CYP11B2: variants seen among roughly 807,000 people sequenced by gnomAD.
CYP11B2 encodes cytochrome P450 family 11 subfamily B member 2, also known as cytochrome P450 11B2, mitochondrial.
A neutral mutation model predicts 49.3 loss-of-function variants in CYP11B2; 38 were observed. That is an observed-to-expected ratio of 0.77 (90% confidence interval 0.59 to 1.01). The LOEUF (loss-of-function observed/expected upper bound fraction) is 1.01, where lower values mean the gene tolerates loss of function less well. Among genes scored for constraint, CYP11B2 ranks in the 50% least tolerant of loss-of-function variants. CYP11B2 has a pLI of 0.00. For synonymous variants in CYP11B2, 290 were observed against 269.3 expected (o/e 1.08, Z -0.75); for missense variants, 669 against 655.5 (o/e 1.02, Z -0.23).
chr8:142,912,505 C>A (rs200113902), intron 8 of CYP11B2, 25 bp downstream of exon 8: 4 of 1,587,896 alleles, frequency 2.5e-6, no homozygotes, highest in South Asian at 1.1e-5. Context: ...GCCCAGGTCC[C>A]GCCCCCGCCC....
intron 2 of CYP11B2, among the ~76,000 whole-genome samples, chr8:142,916,015 A>C (rs1817638536): frequency 6.6e-6 from 1 of 152,106 alleles, no homozygotes; most frequent in Non-Finnish European, 1.5e-5. Flanking sequence ...CACAAACACT[A>C]CACCCATGCC....
Position 142,917,134 on chromosome 8 carries a change from T to G in CYP11B2, c.320A>C (p.His107Pro). The G allele has an allele frequency of 6.2e-7, 1 of 1,614,218 alleles. No individual in the cohort carries two copies. Among genetic ancestry groups the G allele is most frequent in the East Asian group, 2.2e-5 (1 of 44,878 alleles). Residue 107 changes from histidine to proline, a missense_variant, in exon 2 of 9, where the codon CAT becomes CCT. Physicochemically the swap from His to Pro is moderately conservative, Grantham distance 77. Coordinates refer to ENST00000323110, the MANE Select transcript of CYP11B2 (RefSeq NM_000498.3). ...VEKLQQVDSL[H>P]PCRMILEPWV... ...GGGCTCCAGGATCATCCTGCAGGGA[T>G]GCAGGCTGTCCACCTGTTGCAGCTT...
In CYP11B2 at chr8:142,911,638, A is replaced by C; in HGVS notation, c.*342T>G. On this transcript the variant is annotated 3_prime_UTR_variant, in exon 9 of 9. Transcript: ENST00000323110. The stretch of plus-strand genomic sequence containing the variant: ...ACTAGGCAGGAAGGCAAGGGACAAA[A>C]TCACAGCACCCTTGCATGGCCTCAT... 2.8e-6 allele frequency: 1 copy of C among 354,734 alleles called. No homozygotes were observed. The highest frequency in any genetic ancestry group is 5.4e-6 in the Non-Finnish European group (1 of 186,486). 22.0% of individuals were successfully genotyped at this position (354,734 alleles called of 1,614,324 possible).
chr8:142,915,047 T>G lies in CYP11B2; in HGVS notation c.594A>C (p.Glu198Asp), dbSNP rs104894072. The change falls in exon 3 of 9, where the codon GAA (glutamate) becomes GAC (aspartate). Residue 198 changes from glutamate (E) to aspartate (D), a missense_variant and splice_region_variant. Glu to Asp is a conservative substitution (Grantham distance 45). Coordinates refer to ENST00000323110, the MANE Select transcript of CYP11B2 (RefSeq NM_000498.3). ...TGGACCTTCCCGCATGGCCCACACC[T>G]TCTATGGTGTAGTGGAAGATGCTGG... ...VQPSIFHYTIEASNLALFGER... is the reference protein window; with the variant it reads ...VQPSIFHYTIDASNLALFGER... The G allele has an allele frequency of 8.7e-5, 141 of 1,613,638 alleles. No homozygotes were observed. The highest frequency in any genetic ancestry group is 2.0e-4 in the Admixed American group (12 of 59,972).
In CYP11B2 at chr8:142,916,353, G is replaced by T. The variant is rs1363252650; in HGVS notation, c.395+706C>A. On this transcript the variant is annotated intron_variant, in intron 2 of 8. Coordinates refer to ENST00000323110, the MANE Select transcript of CYP11B2 (RefSeq NM_000498.3). ...GTTCCCTTCCTACCATGGAGTGGGG[G>T]CTGTCACCACTGTGACATCCTCATC... 6.6e-6 allele frequency: 3 copies of T among 452,478 alleles called. No individual in the cohort carries two copies. In the Admixed American group the frequency reaches 7.1e-5, roughly 11 times the overall value. The allele number at this position is 452,478 out of a possible 1,614,324, so 28.0% of individuals were successfully genotyped here.
chr8:142,912,681 A>G lies in CYP11B2; in HGVS notation c.1247T>C (p.Leu416Ser), dbSNP rs1817559457. ...ATTATACCGCTCAGGCCTCGGGAAC[A>G]AGGCGGCATTGCGACCCAGCGAGTA... ...FLYSLGRNAALFPRPERYNPQ... is the reference protein window; with the variant it reads ...FLYSLGRNAASFPRPERYNPQ... Residue 416 changes from leucine to serine, a missense_variant, in exon 8 of 9, where the codon TTG becomes TCG. By Grantham distance (145) the Leu-to-Ser change is moderately radical. Coordinates refer to ENST00000323110, the MANE Select transcript of CYP11B2 (RefSeq NM_000498.3). 1 of 1,614,028 alleles carries G rather than the reference A, an allele frequency of 6.2e-7. No individual in the cohort carries two copies. Among genetic ancestry groups the G allele is most frequent in the Non-Finnish European group, 8.5e-7 (1 of 1,180,016 alleles).
At chr8:142,916,325 A>G (rs1217654806) in intron 2 of CYP11B2, 2 of 439,484 alleles carry the variant, frequency 4.6e-6, no homozygotes, top group East Asian at 1.4e-4. Context: ...TATTCCCAAT[A>G]GCGTTCCCTT....
At position 142,915,200 on chromosome 8, in the gene CYP11B2, A is replaced by G. The variant is rs151052374; in HGVS notation, c.441T>C (p.Asp147=). Residue 147 remains aspartate (D), a synonymous_variant, in exon 3 of 9, where the codon GAT becomes GAC. Transcript: ENST00000323110. ...WRFNRLRLNP[D]VLSPKAVQRF... is the part of the protein sequence containing the mutation. ...TCTGCACGGCCTTGGGCGACAGCAC[A>G]TCTGGGTTCAGCCGCAATCGGTTGA... 1 of 1,614,078 alleles carries G rather than the reference A, an allele frequency of 6.2e-7. No individual in the cohort carries two copies. Among genetic ancestry groups the G allele is most frequent in the Admixed American group, 1.7e-5 (1 of 60,026 alleles).
chr8:142,916,421 C>T (rs528591738), intron 2 of CYP11B2: 23 of 456,722 alleles, frequency 5.0e-5, no homozygotes, highest in Admixed American at 7.0e-5. Context: ...TGCAGGTGAC[C>T]GACTCCAAGC....
At position 142,912,867 on chromosome 8, in the gene CYP11B2, C is replaced by A. The variant is rs1160877658; in HGVS notation, c.1140G>T (p.Leu380=). 1.9e-6 allele frequency: 3 copies of A among 1,613,558 alleles called. No homozygotes were observed. The highest frequency in any genetic ancestry group is 2.5e-6 in the Non-Finnish European group (3 of 1,179,824). The change falls in exon 7 of 9, where the codon CTG becomes CTT. Residue 380 remains leucine (L), a synonymous_variant. Transcript: ENST00000323110. The stretch of plus-strand genomic sequence containing the variant: ...CTGAGCTCACCACTCGCTCCAAAAA[C>A]AGACCCACAGGGTAGAGCCTGGAGG... ...KETLRLYPVG[L]FLERVVSSDL...
In CYP11B2 at chr8:142,915,066, A is replaced by G; in HGVS notation, c.575T>C (p.Ile192Thr). 2 of 1,613,800 alleles carry G rather than the reference A, an allele frequency of 1.2e-6. No homozygotes were observed. The highest frequency in any genetic ancestry group is 1.7e-6 in the Non-Finnish European group (2 of 1,179,936). The change falls in exon 3 of 9, where the codon ATC becomes ACC. Residue 192 changes from isoleucine to threonine, a missense_variant. Ile to Thr is a moderately conservative substitution (Grantham distance 89, BLOSUM62 -1). Coordinates refer to ENST00000323110, the MANE Select transcript of CYP11B2 (RefSeq NM_000498.3). ...GSLTLDVQPS[I>T]FHYTIEASNL... ...CACACCTTCTATGGTGTAGTGGAAG[A>G]TGCTGGGCTGGACGTCCAGGGTCAG... is the stretch of plus-strand genomic sequence containing the variant.
chr8:142,914,382 G>T lies in CYP11B2; in HGVS notation c.836C>A (p.Ala279Asp). The T allele has an allele frequency of 5.6e-6, 9 of 1,613,344 alleles. No individual in the cohort carries two copies. Among genetic ancestry groups the T allele is most frequent in the Non-Finnish European group, 7.6e-6 (9 of 1,179,440 alleles). Residue 279 changes from alanine to aspartate, a missense_variant, in exon 5 of 9, where the codon GCC becomes GAC. Ala to Asp is a moderately radical substitution (Grantham distance 126). Coordinates refer to ENST00000323110, the MANE Select transcript of CYP11B2 (RefSeq NM_000498.3). ...TGTGTAGTGTTGAGGGCGGTTGAAG[G>T]CCAGTTCCTGGTAGATTTTCTGGAT... ...NCIQKIYQEL[A>D]FNRPQHYTGI...
rs1246757770 is a variant in CYP11B2, at chr8:142,912,566, G to T, written c.1362C>A (p.Arg454=). 1 of 1,613,954 alleles carries T rather than the reference G, an allele frequency of 6.2e-7. No homozygotes were observed. The highest frequency in any genetic ancestry group is 8.5e-7 in the Non-Finnish European group (1 of 1,180,016). The change falls in exon 8 of 9, where the codon CGC becomes CGA. Residue 454 remains arginine (R), a synonymous_variant. Transcript: ENST00000323110. ...GCAGCAGCATCTCTGCCTCTGCCAG[G>T]CGCCGCCCGAGGCACTGGCGCATGC... ...GFGMRQCLGR[R]LAEAEMLLLL...
rs1305933755 is a variant in CYP11B2 at position 142,914,894 on chromosome 8, G to C, written c.610C>G (p.Leu204Val). 2 of 1,613,822 alleles carry C rather than the reference G, an allele frequency of 1.2e-6. No individual in the cohort carries two copies. ...HYTIEASNLALFGERLGLVGH... is the reference protein window; with the variant it reads ...HYTIEASNLAVFGERLGLVGH... Reference sequence around the variant, plus strand: ...ACCAGGCCCAGCCGCTCTCCAAAAAGAGCTAAGTTGCTGGCTGCGGGGAGG... The same window carrying C: ...ACCAGGCCCAGCCGCTCTCCAAAAACAGCTAAGTTGCTGGCTGCGGGGAGG... The change falls in exon 4 of 9, where the codon CTT becomes GTT. Residue 204 changes from leucine (L) to valine (V), a missense_variant. Coordinates refer to ENST00000323110, the MANE Select transcript of CYP11B2 (RefSeq NM_000498.3).
chr8:142,917,671 C>G lies in CYP11B2; in HGVS notation c.170G>C (p.Arg57Thr), dbSNP rs1309334971. The change falls in exon 1 of 9, where the codon AGG becomes ACG. Residue 57 changes from arginine to threonine, a missense_variant. Arg to Thr is a moderately conservative substitution (Grantham distance 71, BLOSUM62 -1). Coordinates refer to ENST00000323110, the MANE Select transcript of CYP11B2 (RefSeq NM_000498.3). Reference sequence around the variant, plus strand: ...GTGCAGGTGCTCATAACCCTGCTCCCTCCAGATCTGCAGCAGCCTCAGCCA... The same window carrying G: ...GTGCAGGTGCTCATAACCCTGCTCCGTCCAGATCTGCAGCAGCCTCAGCCA... The part of the protein sequence containing the change: ...NRWLRLLQIW[R>T]EQGYEHLHLE... 17 of 1,614,154 alleles carry G rather than the reference C, an allele frequency of 1.1e-5. No homozygotes were observed. The highest frequency in any genetic ancestry group is 1.4e-5 in the Non-Finnish European group (16 of 1,180,062).
Position 142,915,086 on chromosome 8 carries a change from G to C in CYP11B2, c.555C>G (p.Thr185=). The change falls in exon 3 of 9, where the codon ACC becomes ACG. Residue 185 remains threonine (T), a synonymous_variant. Transcript: ENST00000323110. ...GGAAGATGCTGGGCTGGACGTCCAGGGTCAGGCTCCCCCGGGCGTTCTGCA... is the reference window on the plus strand; with the variant it reads ...GGAAGATGCTGGGCTGGACGTCCAGCGTCAGGCTCCCCCGGGCGTTCTGCA... ...KVLQNARGSL[T]LDVQPSIFHY... 6.2e-7 allele frequency: 1 copy of C among 1,613,836 alleles called. No homozygotes were observed. Among genetic ancestry groups the C allele is most frequent in the Non-Finnish European group, 8.5e-7 (1 of 1,179,948 alleles).
At position 142,912,138 on chromosome 8, in the gene CYP11B2, T is replaced by C. The variant is rs368277006; in HGVS notation, c.1399-45A>G. On this transcript the variant is annotated intron_variant, in intron 8 of 8. Coordinates refer to ENST00000323110, the MANE Select transcript of CYP11B2 (RefSeq NM_000498.3). ...TCCATCTGGCCTGGTCAGTAGCCCA[T>C]GGACCTGGGGCAGCTTCCTCCCATC... The C allele has an allele frequency of 3.7e-6, 6 of 1,613,272 alleles. No individual in the cohort carries two copies. In the South Asian group the frequency reaches 4.4e-5, roughly 12 times the overall value.
In CYP11B2 at chr8:142,912,517, CAG is replaced by C. The variant is rs1817553906; in HGVS notation, c.1398+11_1398+12del. 1 of 1,610,354 alleles carries C rather than the reference CAG, an allele frequency of 6.2e-7. No individual in the cohort carries two copies. Among genetic ancestry groups the C allele is most frequent in the Non-Finnish European group, 8.5e-7 (1 of 1,177,866 alleles). ...GCTGCCCAGGTCCCGCCCCCGCCCC[CAG>C]GCCTGCTTACGTGGTGCAGCAGCAG... On this transcript the variant is annotated intron_variant, in intron 8 of 8. Transcript: ENST00000323110.
chr8:142,915,301 C>G, intron 2 of CYP11B2, 56 bp from the exon 3 acceptor site: 1 of 1,457,498 alleles, frequency 6.9e-7, no homozygotes, highest in Non-Finnish European at 9.4e-7. Flanking sequence ...CAGGCCCTGA[C>G]CCGTATCCCA....
Sources: allele counts gnomAD v4.1 joint callset (sites outside exome capture counted in the v4.1 genomes callset), GRCh38; gene constraint gnomAD v4.1.1; transcripts MANE v1.5; gene names NCBI Gene and HGNC (gene_info 2026-07-23, HGNC 2026-07-21).